SENP1: variants seen among roughly 807,000 people sequenced by gnomAD.
The protein encoded by SENP1 is sentrin-specific protease 1.
A neutral mutation model predicts 93.0 loss-of-function variants in SENP1; 21 were observed. The ratio of observed to expected loss-of-function variants is 0.23; its 90% CI spans 0.16 to 0.33. The LOEUF (loss-of-function observed/expected upper bound fraction) is 0.33. Ranked by LOEUF, SENP1 falls within the 10% of genes least tolerant of loss-of-function variation. SENP1 has a pLI of 1.00. For missense variants in SENP1, 591 were observed against 758.7 expected, an observed-to-expected ratio of 0.78 and a Z score of 2.60; for synonymous variants, 256 against 259.6, an observed-to-expected ratio of 0.99 and a Z score of 0.13.
At chr12:48,097,077 GA>G (rs1020724627) in intron 3 of SENP1, among the ~76,000 whole-genome samples, 18 of 152,006 alleles carry the variant, frequency 1.2e-4, no homozygotes, top group African/African-American at 4.3e-4. Flanking sequence ...AGGCTTCAAG[GA>G]AAAAAACAGG....
rs1321748809 is a variant in SENP1 at position 48,049,218 on chromosome 12, G to GT, written c.1408-87dup. 6 of 952,368 alleles carry GT rather than the reference G, an allele frequency of 6.3e-6. No homozygotes were observed. The African/African-American group carries it at 9.8e-5, about 16-fold the overall frequency. 59.0% of individuals were successfully genotyped at this position (952,368 alleles called of 1,614,324 possible). A position where few individuals can be genotyped will look rare whatever the true frequency, so the allele number is the denominator to read the frequency against. ...GCAGTTGCTGTGTTGAATAGCATAT[G>GT]TAATTGTTTCCTAATAAACTGAATT... On this transcript the variant is annotated intron_variant, in intron 13 of 17. Coordinates refer to ENST00000549518, the MANE Select transcript of SENP1 (RefSeq NM_001267594.2).
intron 13 of SENP1, among the ~76,000 whole-genome samples, chr12:48,063,311 A>G (rs936046896): frequency 6.6e-6 from 1 of 152,216 alleles, no homozygotes; most frequent in Non-Finnish European, 1.5e-5. Flanking sequence ...CTTAGGTAGA[A>G]AGGGAAGTAA....
At position 48,065,143 on chromosome 12, in the gene SENP1, A is replaced by G. The variant is rs1252074038; in HGVS notation, c.1197T>C (p.Pro399=). ...HLRVPLEKEI[P]VTVVQETQKK... is the part of the protein sequence containing the mutation. ...TTTGTGTTTCTTGGACAACAGTAAC[A>G]GGAATCTCCTTTTCAAGAGGTACAC... The change falls in exon 12 of 18, where the codon CCT becomes CCC. Residue 399 remains proline (P), a synonymous_variant. Coordinates refer to ENST00000549518, the MANE Select transcript of SENP1 (RefSeq NM_001267594.2). 2 of 1,608,538 alleles carry G rather than the reference A, an allele frequency of 1.2e-6. No homozygotes were observed. The highest frequency in any genetic ancestry group is 1.7e-6 in the Non-Finnish European group (2 of 1,175,032).
chr12:48,098,945 T>C (rs973752723), intron 2 of SENP1: 1 of 152,170 alleles, frequency 6.6e-6, no homozygotes, highest in Non-Finnish European at 1.5e-5. Context: ...TGTGCAGAAA[T>C]TGGCTCATTT....
intron 4 of SENP1, 162 bp from the exon 5 acceptor site, chr12:48,089,122 G>C: frequency 6.3e-7 from 1 of 1,575,812 alleles, no homozygotes; most frequent in Middle Eastern, 1.7e-4. Context: ...GTCTGCAGTA[G>C]GGGAACTTCT....
rs140497357 is a variant in SENP1, at chr12:48,053,199, G to A, written c.1408-4067C>T. 2.8e-3 allele frequency among the ~76,000 whole-genome samples: 430 copies of A among 152,154 alleles called. 1 individual carries two copies. The highest frequency in any genetic ancestry group is 8.8e-3 in the African/African-American group (366 of 41,524). On this transcript the variant is annotated intron_variant, in intron 13 of 17. Transcript: ENST00000549518. ...AAAGTTAGAATGCTAGACAAAGCTGGGTGTGGGCTCCTGCCTGTAATCCTA... is the reference window on the plus strand; with the variant it reads ...AAAGTTAGAATGCTAGACAAAGCTGAGTGTGGGCTCCTGCCTGTAATCCTA...
chr12:48,065,365 A>G, intron 11 of SENP1, 145 bp from the exon 12 acceptor site: 2 of 717,530 alleles, frequency 2.8e-6, no homozygotes, highest in Non-Finnish European at 4.5e-6. Context: ...GTAAAGTCAA[A>G]AAATCATTAG....
At chr12:48,083,903 A>G (rs762259163) in intron 5 of SENP1, 141 bp from the exon 6 acceptor site, 32 of 595,816 alleles carry the variant, frequency 5.4e-5, no homozygotes, top group Non-Finnish European at 7.7e-5. Flanking sequence ...AGGGAAAGAT[A>G]CAATAAATGA....
At position 48,088,886 on chromosome 12, in the gene SENP1, T is replaced by C; in HGVS notation, c.295A>G (p.Arg99Gly). The C allele has an allele frequency of 6.2e-7, 1 of 1,603,124 alleles. No individual in the cohort carries two copies. The highest frequency in any genetic ancestry group is 8.5e-7 in the Non-Finnish European group (1 of 1,174,250). Residue 99 changes from arginine (R) to glycine (G), a missense_variant, in exon 5 of 18, where the codon AGA becomes GGA. Arg to Gly is a moderately radical substitution (Grantham distance 125, BLOSUM62 -2). This residue lies in a region of SENP1 where 214 missense variants were observed against 243.4 expected (regional missense o/e 0.88). Transcript: ENST00000549518. ...GAGCTTGACGATGGGGTAGAATTTC[T>C]CCATTGGCCATTTGCACTCTGGCCA... ...TFGQSANGQW[R>G]NSTPSSSSSL... is the part of the protein sequence containing the mutation.
intron 12 of SENP1, among the ~76,000 whole-genome samples, chr12:48,064,729 T>C (rs1014025480): frequency 2.0e-5 from 3 of 152,176 alleles, no homozygotes; most frequent in Admixed American, 6.5e-5. Context: ...CAGGCTGAAG[T>C]ACGGTGGCAT....
At position 48,094,831 on chromosome 12, in the gene SENP1, T is replaced by C. The variant is rs577067393; in HGVS notation, c.220+1512A>G. On this transcript the variant is annotated intron_variant, in intron 4 of 17. Coordinates refer to ENST00000549518, the MANE Select transcript of SENP1 (RefSeq NM_001267594.2). ...AGCAGAGATTCTATCCAATGGTAAA[T>C]TGGCATATGAAATTATAAGCAAACA... Among the ~76,000 whole-genome samples, 245 of 152,312 alleles carry C rather than the reference T, an allele frequency of 1.6e-3. 1 individual carries two copies. Among genetic ancestry groups the C allele is most frequent in the Non-Finnish European group, 2.2e-3 (152 of 68,030 alleles).
chr12:48,098,256 C>CT (rs1945695773), intron 2 of SENP1, 132 bp from the exon 3 acceptor site: 1 of 866,010 alleles, frequency 1.2e-6, no homozygotes, highest in East Asian at 2.8e-5. Flanking sequence ...TCCCAGCACT[C>CT]TGAGAGGCTG....
intron 5 of SENP1, among the ~76,000 whole-genome samples, chr12:48,084,850 A>G (rs1592427234): frequency 6.6e-6 from 1 of 152,188 alleles, no homozygotes; most frequent in African/African-American, 2.4e-5. Context: ...TTCAAGACTC[A>G]GACTAGAGAA....
At position 48,065,474 on chromosome 12, in the gene SENP1, G is replaced by A. The variant is rs2136964395; in HGVS notation, c.1119+122C>T. 5.9e-6 allele frequency: 4 copies of A among 678,102 alleles called. No individual in the cohort carries two copies. In the East Asian group the frequency reaches 1.1e-4, roughly 18 times the overall value. 42.0% of individuals were successfully genotyped at this position (678,102 alleles called of 1,614,324 possible). A position where few individuals can be genotyped will look rare whatever the true frequency, so the allele number is the denominator to read the frequency against. On this transcript the variant is annotated intron_variant, in intron 11 of 17. Transcript: ENST00000549518. Reference sequence around the variant, plus strand: ...GAACATTTACGACATATCATAACATGCTATGCTACCATACGATCTTGGAAT... The same window carrying A: ...GAACATTTACGACATATCATAACATACTATGCTACCATACGATCTTGGAAT...
chr12:48,105,972 C>G (rs1279516760), intron 1 of SENP1, 56 bp downstream of exon 1: 1 of 699,466 alleles, frequency 1.4e-6, no homozygotes, highest in Non-Finnish European at 2.6e-6. Flanking sequence ...GACACAGTCT[C>G]CTGGACCAGG....
chr12:48,076,762 C>T (rs1342122580), intron 6 of SENP1, among the ~76,000 whole-genome samples: 1 of 151,626 alleles, frequency 6.6e-6, no homozygotes, highest in African/African-American at 2.4e-5. Flanking sequence ...CCTGCTTCAG[C>T]CTCCCTAGTA....
intron 17 of SENP1, among the ~76,000 whole-genome samples, chr12:48,045,635 C>A (rs994086661): frequency 6.6e-6 from 1 of 152,120 alleles, no homozygotes; most frequent in Non-Finnish European, 1.5e-5. Flanking sequence ...ATGCCCACGT[C>A]TCTAAGAATT....
At position 48,078,340 on chromosome 12, in the gene SENP1, C is replaced by CACACACACAT. The variant is rs141523302; in HGVS notation, c.553-3548_553-3547insATGTGTGTGT. Among the ~76,000 whole-genome samples, 16 of 84,146 alleles carry CACACACACAT rather than the reference C, an allele frequency of 1.9e-4. No homozygotes were observed. The East Asian group carries it at 2.9e-3, about 15-fold the overall frequency. 55.2% of individuals were successfully genotyped at this position (84,146 alleles called of 152,430 possible). A position where few individuals can be genotyped will look rare whatever the true frequency, so the allele number is the denominator to read the frequency against. On this transcript the variant is annotated intron_variant, in intron 6 of 17. Transcript: ENST00000549518. ...TTTTATATATATATATATATACACACACATATATATATACACACACACACA... is the reference window on the plus strand; with the variant it reads ...TTTTATATATATATATATATACACACACACACACATACATATATATATACACACACACACA...
At chr12:48,076,266 A>G (rs1049097246) in intron 6 of SENP1, among the ~76,000 whole-genome samples, 2 of 152,252 alleles carry the variant, frequency 1.3e-5, no homozygotes, top group Non-Finnish European at 2.9e-5. Flanking sequence ...ATGTGCTGGG[A>G]CTACAGGCGC....
Sources: allele counts gnomAD v4.1 joint callset (sites outside exome capture counted in the v4.1 genomes callset), GRCh38; gene constraint gnomAD v4.1.1; regional missense constraint gnomAD v4.1.1; transcripts MANE v1.5; gene names NCBI Gene and HGNC (gene_info 2026-07-23, HGNC 2026-07-21).